The following PRKACB variants were observed in gnomAD, a reference collection of about 807,000 sequenced individuals.
The protein encoded by PRKACB is cAMP-dependent protein kinase catalytic subunit beta.
In PRKACB, 16 loss-of-function variants were observed where a neutral mutation model predicts 51.4. The ratio of observed to expected loss-of-function variants is 0.31; its 90% CI spans 0.21 to 0.47. PRKACB has a LOEUF of 0.47. PRKACB is among the 20% of genes least tolerant of loss of function. The pLI is 1.00. For synonymous variants in PRKACB, 147 were observed against 154.4 expected, an observed-to-expected ratio of 0.95 and a Z score of 0.35; for missense variants, 309 against 464.5, an observed-to-expected ratio of 0.67 and a Z score of 3.08.
intron 1 of PRKACB, among the ~76,000 whole-genome samples, chr1:84,156,818 C>T (rs1362467130): frequency 1.3e-5 from 2 of 152,164 alleles, no homozygotes; most frequent in African/African-American, 4.8e-5. Flanking sequence ...TCAGTGACCT[C>T]TTATTCTCTC....
chr1:84,216,871 T>TA (rs1224493518), intron 9 of PRKACB, among the ~76,000 whole-genome samples: 2 of 152,226 alleles, frequency 1.3e-5, no homozygotes, highest in African/African-American at 4.8e-5. Context: ...ACATGATTCT[T>TA]AAAATGAAAC....
At chr1:84,207,553 T>C (rs1358382192) in intron 8 of PRKACB, among the ~76,000 whole-genome samples, 4 of 152,204 alleles carry the variant, frequency 2.6e-5, no homozygotes, top group Non-Finnish European at 5.9e-5. Flanking sequence ...ATTGCAGATA[T>C]TTTGAGAACT....
intron 5 of PRKACB, among the ~76,000 whole-genome samples, chr1:84,192,390 G>C (rs981511257): frequency 6.6e-6 from 1 of 152,062 alleles, no homozygotes; most frequent in Non-Finnish European, 1.5e-5. Flanking sequence ...TAAGATTGTT[G>C]CCATTTCTTT....
At chr1:84,134,095 C>G (rs1451377558) in intron 1 of PRKACB, among the ~76,000 whole-genome samples, 1 of 152,158 alleles carries the variant, frequency 6.6e-6, no homozygotes, top group Non-Finnish European at 1.5e-5. Context: ...CTAGACTCTT[C>G]TCCAAAGTCC....
At chr1:84,234,956 C>A (rs41301186) in intron 9 of PRKACB, among the ~76,000 whole-genome samples, 3,887 of 152,266 alleles carry the variant, frequency 0.026, 174 homozygotes, top group African/African-American at 0.088. Context: ...CCAGAAATTT[C>A]TTAAGTATTT....
chr1:84,175,096 A>G, intron 1 of PRKACB: 1 of 1,389,936 alleles, frequency 7.2e-7, no homozygotes, highest in East Asian at 2.9e-5. Flanking sequence ...ATTACCTTTA[A>G]AATTTTTTAT....
intron 1 of PRKACB, chr1:84,086,233 ACAAG>A (rs1480983864): frequency 2.0e-5 from 32 of 1,571,554 alleles, no homozygotes; most frequent in Non-Finnish European, 2.6e-5. Context: ...TGATTGGCTG[ACAAG>A]CAAGGACAAG....
chr1:84,139,812 A>G (rs1034572844), upstream of PRKACB, among the ~76,000 whole-genome samples: 6 of 152,220 alleles, frequency 3.9e-5, no homozygotes, highest in African/African-American at 1.4e-4. Flanking sequence ...TAATCCCAAC[A>G]CTTTGGGAGG....
At chr1:84,230,049 G>C (rs1344599903) in intron 9 of PRKACB, among the ~76,000 whole-genome samples, 3 of 151,482 alleles carry the variant, frequency 2.0e-5, no homozygotes, top group Admixed American at 2.0e-4. Context: ...TTTCTTCTAG[G>C]GTTTTTATGG....
chr1:84,199,836 A>G (rs189648620), intron 7 of PRKACB, among the ~76,000 whole-genome samples: 1,896 of 150,918 alleles, frequency 0.013, 51 homozygotes, highest in African/African-American at 0.044. Context: ...CTATTTGTTT[A>G]TTTATTTATT....
intron 1 of PRKACB, among the ~76,000 whole-genome samples, chr1:84,118,166 C>A (rs1650782430): frequency 6.6e-6 from 1 of 152,136 alleles, no homozygotes; most frequent in Non-Finnish European, 1.5e-5. Context: ...CTTATGCTGT[C>A]CCTGTAATAT....
chr1:84,193,021 G>A lies in PRKACB; in HGVS notation c.561-3595G>A, dbSNP rs148721746. Among the ~76,000 whole-genome samples, 403 of 152,184 alleles carry A rather than the reference G, an allele frequency of 2.6e-3. 1 individual carries two copies. The highest frequency in any genetic ancestry group is 4.7e-3 in the Non-Finnish European group (321 of 68,010). On this transcript the variant is annotated intron_variant, in intron 5 of 9. Transcript: ENST00000370685. Reference sequence around the variant, plus strand: ...GAACAATAAGCCTTCTCCAAATGAAGGGGAAAGTCTCCTCATCCAAACCTC... The same window carrying A: ...GAACAATAAGCCTTCTCCAAATGAAAGGGAAAGTCTCCTCATCCAAACCTC...
chr1:84,108,336 G>A (rs190218548), intron 1 of PRKACB, among the ~76,000 whole-genome samples: 7 of 151,818 alleles, frequency 4.6e-5, no homozygotes, highest in African/African-American at 1.2e-4. Flanking sequence ...GGTGGAAGGC[G>A]GGAGGAGGGA....
chr1:84,087,144 T>C (rs1414129703), intron 1 of PRKACB, among the ~76,000 whole-genome samples: 1 of 152,264 alleles, frequency 6.6e-6, no homozygotes, highest in East Asian at 1.9e-4. Context: ...TGGTGTTTTG[T>C]GTATAGCAGA....
In PRKACB at chr1:84,120,687, TTCTC is replaced by T. The variant is rs572840049; in HGVS notation, c.46+42320_46+42323del. Among the ~76,000 whole-genome samples, 18 of 152,196 alleles carry T rather than the reference TTCTC, an allele frequency of 1.2e-4. No homozygotes were observed. The South Asian group carries it at 3.7e-3, about 32-fold the overall frequency. Reference sequence around the variant, plus strand: ...TTATGTCTAAATAAATCAAAAATAGTTCTCTCTTAATAGGGAAAAAATTTATAAC... The same window carrying T: ...TTATGTCTAAATAAATCAAAAATAGTTCTTAATAGGGAAAAAATTTATAAC... On this transcript the variant is annotated intron_variant, in intron 1 of 8. Coordinates refer to the PRKACB transcript ENST00000370688.
chr1:84,122,183 T>G (rs1651143189), intron 1 of PRKACB, among the ~76,000 whole-genome samples: 1 of 152,168 alleles, frequency 6.6e-6, no homozygotes, highest in African/African-American at 2.4e-5. Flanking sequence ...CCTCTCCCTC[T>G]GATGTAAATT....
chr1:84,235,271 C>T lies in PRKACB; in HGVS notation c.1163C>T (p.Thr388Ile). 1 of 1,614,032 alleles carries T rather than the reference C, an allele frequency of 6.2e-7. No individual in the cohort carries two copies. The highest frequency in any genetic ancestry group is 8.5e-7 in the Non-Finnish European group (1 of 1,179,976). Reference sequence around the variant, plus strand: ...GAAGAAGATATCCGTGTCTCTATAACAGAAAAATGTGCAAAAGAATTTGGT... The same window carrying T: ...GAAGAAGATATCCGTGTCTCTATAATAGAAAAATGTGCAAAAGAATTTGGT... ...YEEEDIRVSI[T>I]EKCAKEFGEF Residue 388 changes from threonine to isoleucine, a missense_variant, in exon 10 of 10, where the codon ACA (threonine) becomes ATA (isoleucine). Physicochemically the swap from Thr to Ile is moderately conservative, Grantham distance 89. Around this residue, in one of 3 missense-constraint regions of PRKACB, gnomAD observed 96 missense variants for 129.9 expected, o/e 0.74. Transcript: ENST00000370685.
intron 1 of PRKACB, among the ~76,000 whole-genome samples, chr1:84,154,199 C>A (rs1655174791): frequency 6.6e-6 from 1 of 151,964 alleles, no homozygotes; most frequent in African/African-American, 2.4e-5. Flanking sequence ...AGTCACCTGC[C>A]CATTTTTTAA....
upstream of PRKACB, among the ~76,000 whole-genome samples, chr1:84,141,869 G>A (rs1298583205): frequency 6.6e-6 from 1 of 152,094 alleles, no homozygotes; most frequent in African/African-American, 2.4e-5. Context: ...GTAATTGGAA[G>A]CGGGGAAAAC....
Sources: gnomAD v4.1 joint callset for allele counts (sites outside exome capture counted in the v4.1 genomes callset) on GRCh38, gnomAD v4.1.1 for gene constraint, gnomAD v4.1.1 regional missense constraint, MANE v1.5 for transcripts, NCBI Gene and HGNC (gene_info 2026-07-23, HGNC 2026-07-21) for gene names.